Variants in DMXL2 observed in about 807,000 individuals in gnomAD.
The protein encoded by DMXL2 is Dmx like 2, also known as dmX-like protein 2.
Under a neutral mutation model 331.1 loss-of-function variants are expected in DMXL2, and 103 were observed. That is an observed-to-expected ratio of 0.31 (90% confidence interval 0.27 to 0.37). The LOEUF (loss-of-function observed/expected upper bound fraction) is 0.37, where lower values mean the gene tolerates loss of function less well. Ranked by LOEUF, DMXL2 falls within the 10% of genes least tolerant of loss-of-function variation. The probability of loss-of-function intolerance (pLI) is 1.00; values close to 1 mark genes in which losing one functional copy is unlikely to be tolerated. For synonymous variants in DMXL2, 1,281 were observed against 1,252.1 expected (o/e 1.02, Z -0.49); for missense variants, 3,171 against 3,642.9 (o/e 0.87, Z 3.33).
At chr15:51,497,323 G>A (rs1295594007) in intron 18 of DMXL2, among the ~76,000 whole-genome samples, 1 of 152,144 alleles carries the variant, frequency 6.6e-6, no homozygotes, top group Non-Finnish European at 1.5e-5. Flanking sequence ...CCACAGATCT[G>A]GAAATCATGA....
intron 33 of DMXL2, among the ~76,000 whole-genome samples, chr15:51,461,266 G>C (rs1342220591): frequency 3.3e-5 from 5 of 152,124 alleles, no homozygotes; most frequent in Non-Finnish European, 5.9e-5. Flanking sequence ...GGGCATAATG[G>C]AAGGGAGACT....
chr15:51,571,435 A>C lies in DMXL2; in HGVS notation c.214-2877T>G, dbSNP rs141965788. On this transcript the variant is annotated intron_variant, in intron 2 of 43. Coordinates refer to ENST00000560891, the MANE Select transcript of DMXL2 (RefSeq NM_001378457.1). ...GAACTCAGCTCTGCACCAAGCAGAC[A>C]TAATAGACATCTACAGAACTCACCA... Among the ~76,000 whole-genome samples, 229 of 152,268 alleles carry C rather than the reference A, an allele frequency of 1.5e-3. 5 individuals are homozygous for C. In the East Asian group the frequency reaches 0.038, roughly 25 times the overall value.
chr15:51,548,465 T>C (rs1386389562), intron 6 of DMXL2, among the ~76,000 whole-genome samples: 1 of 152,176 alleles, frequency 6.6e-6, no homozygotes, highest in African/African-American at 2.4e-5. Flanking sequence ...AGACAGCCAC[T>C]TAACAATGTA....
intron 1 of DMXL2, among the ~76,000 whole-genome samples, chr15:51,609,743 A>G (rs2053831004): frequency 6.6e-6 from 1 of 152,162 alleles, no homozygotes; most frequent in Non-Finnish European, 1.5e-5. Flanking sequence ...AGCCTGGCCA[A>G]CATGGTGAAA....
At position 51,565,145 on chromosome 15, in the gene DMXL2, T is replaced by C; in HGVS notation, c.307A>G (p.Lys103Glu). 6.3e-7 allele frequency: 1 copy of C among 1,582,160 alleles called. No individual in the cohort carries two copies. Among genetic ancestry groups the C allele is most frequent in the Non-Finnish European group, 8.6e-7 (1 of 1,166,364 alleles). Residue 103 changes from lysine to glutamate, a missense_variant, in exon 4 of 44, where the codon AAA becomes GAA. By Grantham distance (56) the Lys-to-Glu change is moderately conservative (BLOSUM62 1). Around this residue, in one of 7 missense-constraint regions of DMXL2, gnomAD observed 1,674 missense variants for 1,780.2 expected, o/e 0.94. Coordinates refer to ENST00000560891, the MANE Select transcript of DMXL2 (RefSeq NM_001378457.1). Reference sequence around the variant, plus strand: ...GAACTCAAAAAAAACTGCCCAGTTTTAAGCCACTGGCACTTGAGTTGCTGA... The same window carrying C: ...GAACTCAAAAAAAACTGCCCAGTTTCAAGCCACTGGCACTTGAGTTGCTGA... ...RNCQLKCQWLKTGQFFLSSVT... is the reference protein window; with the variant it reads ...RNCQLKCQWLETGQFFLSSVT...
At chr15:51,544,468 A>T (rs2048783509) in intron 8 of DMXL2, among the ~76,000 whole-genome samples, 1 of 152,130 alleles carries the variant, frequency 6.6e-6, no homozygotes, top group African/African-American at 2.4e-5. Flanking sequence ...TGAGCCAATT[A>T]AACCTCTTTT....
At chr15:51,588,648 T>C (rs999259145) in intron 1 of DMXL2, among the ~76,000 whole-genome samples, 1 of 152,216 alleles carries the variant, frequency 6.6e-6, no homozygotes. Context: ...TGTTGATATT[T>C]TGAGGGAAAT....
chr15:51,593,057 C>G (rs577107383), intron 1 of DMXL2, among the ~76,000 whole-genome samples: 1 of 152,100 alleles, frequency 6.6e-6, no homozygotes, highest in Non-Finnish European at 1.5e-5. Context: ...CAAATTCACA[C>G]CTGACAATAT....
chr15:51,582,614 C>A (rs1056913109), intron 1 of DMXL2, among the ~76,000 whole-genome samples: 1 of 152,156 alleles, frequency 6.6e-6, no homozygotes, highest in Non-Finnish European at 1.5e-5. Context: ...CCATTTTAGT[C>A]ACCTAATTAA....
chr15:51,515,727 C>G (rs34448759), intron 14 of DMXL2, among the ~76,000 whole-genome samples: 26,033 of 152,038 alleles, frequency 0.17, 2,778 homozygotes, highest in Non-Finnish European at 0.24. Context: ...AAGTGTTGAG[C>G]AAATATGAAG....
chr15:51,477,335 A>G (rs981305653), intron 26 of DMXL2, among the ~76,000 whole-genome samples: 2 of 152,084 alleles, frequency 1.3e-5, no homozygotes, highest in African/African-American at 2.4e-5. Flanking sequence ...TGGAAAATAT[A>G]TATTTAAAAA....
At chr15:51,458,207 A>AT (rs1196719095) in intron 36 of DMXL2, among the ~76,000 whole-genome samples, 2 of 152,234 alleles carry the variant, frequency 1.3e-5, no homozygotes, top group Non-Finnish European at 2.9e-5. Flanking sequence ...TGTAATTAAC[A>AT]TATTTGTGTC....
chr15:51,556,191 A>C (rs1225750006), intron 6 of DMXL2, among the ~76,000 whole-genome samples: 3 of 151,772 alleles, frequency 2.0e-5, no homozygotes, highest in Non-Finnish European at 4.4e-5. Flanking sequence ...AAAATACAAA[A>C]AATTAGCTGG....
At chr15:51,576,024 A>G in intron 2 of DMXL2, 32 bp downstream of exon 2, 1 of 1,572,688 alleles carries the variant, frequency 6.4e-7, no homozygotes, top group Non-Finnish European at 8.6e-7. Context: ...ACATTTTTAA[A>G]TGACATTCAG....
intron 17 of DMXL2, among the ~76,000 whole-genome samples, chr15:51,502,154 A>G (rs1753379799): frequency 6.7e-6 from 1 of 149,878 alleles, no homozygotes; most frequent in South Asian, 2.1e-4. Context: ...ATGGGTGTGA[A>G]CCCGGGAGGT....
intron 1 of DMXL2, among the ~76,000 whole-genome samples, chr15:51,581,788 T>C (rs1184609964): frequency 1.3e-5 from 2 of 152,204 alleles, no homozygotes; most frequent in Non-Finnish European, 1.5e-5. Flanking sequence ...CATTAGCATT[T>C]ACTATAGAAT....
At chr15:51,511,122 C>T (rs548316890) in intron 15 of DMXL2, among the ~76,000 whole-genome samples, 42 of 152,258 alleles carry the variant, frequency 2.8e-4, no homozygotes, top group Admixed American at 1.0e-3. Flanking sequence ...CCATTCAGGA[C>T]GCAGGCATGG....
chr15:51,550,035 C>T (rs1447854640), intron 6 of DMXL2, among the ~76,000 whole-genome samples: 1 of 152,096 alleles, frequency 6.6e-6, no homozygotes, highest in Non-Finnish European at 1.5e-5. Context: ...TAACAAAATA[C>T]TAGCTAACTG....
chr15:51,525,332 A>G (rs1237319121), intron 13 of DMXL2, among the ~76,000 whole-genome samples: 1 of 152,074 alleles, frequency 6.6e-6, no homozygotes, highest in African/African-American at 2.4e-5. Context: ...TATGGTAGCT[A>G]CAGGGCAAGA....
Sources: allele counts gnomAD v4.1 joint callset (sites outside exome capture counted in the v4.1 genomes callset), GRCh38; gene constraint gnomAD v4.1.1; regional missense constraint gnomAD v4.1.1; transcripts MANE v1.5; gene names NCBI Gene and HGNC (gene_info 2026-07-23, HGNC 2026-07-21).